GABRA4: variants seen among roughly 807,000 people sequenced by gnomAD.
GABRA4 encodes the protein gamma-aminobutyric acid receptor subunit alpha-4.
A neutral mutation model predicts 49.7 loss-of-function variants in GABRA4; 12 were observed. The observed-to-expected ratio is 0.24, with a 90% confidence interval of 0.15 to 0.39. GABRA4 has a LOEUF of 0.39. Among genes scored for constraint, GABRA4 ranks in the 10% least tolerant of loss-of-function variants. GABRA4 has a pLI of 1.00. For synonymous variants in GABRA4, 288 were observed against 240.2 expected (o/e 1.20, Z -1.84); for missense variants, 506 against 686.0 (o/e 0.74, Z 2.93).
Position 46,927,903 on chromosome 4 carries a change from T to G in GABRA4, c.*322A>C. On this transcript the variant is annotated 3_prime_UTR_variant, in exon 9 of 9. Coordinates refer to ENST00000264318, the MANE Select transcript of GABRA4 (RefSeq NM_000809.4). Reference sequence around the variant, plus strand: ...CATAGGGCAGATTTTTAAAATGTCATAGTCTGTTTTCAAATATCAATGAAA... The same window carrying G: ...CATAGGGCAGATTTTTAAAATGTCAGAGTCTGTTTTCAAATATCAATGAAA... The G allele has an allele frequency of 4.9e-6, 1 of 205,008 alleles. No homozygotes were observed. Among genetic ancestry groups the G allele is most frequent in the Non-Finnish European group, 9.9e-6 (1 of 101,196 alleles). 12.7% of individuals were successfully genotyped at this position (205,008 alleles called of 1,614,324 possible). A position where few individuals can be genotyped will look rare whatever the true frequency, so the allele number is the denominator to read the frequency against.
chr4:46,955,158 A>G (rs1722297460), intron 8 of GABRA4, among the ~76,000 whole-genome samples: 2 of 152,130 alleles, frequency 1.3e-5, no homozygotes, highest in East Asian at 3.9e-4. Context: ...AAATAAATGA[A>G]CAAATATACT....
chr4:46,962,839 A>C (rs1722626162), intron 8 of GABRA4, among the ~76,000 whole-genome samples: 1 of 151,874 alleles, frequency 6.6e-6, no homozygotes, highest in Non-Finnish European at 1.5e-5. Context: ...CACAGGTGCC[A>C]AGAATATACA....
At chr4:46,959,866 G>T (rs1182363725) in intron 8 of GABRA4, among the ~76,000 whole-genome samples, 1 of 150,054 alleles carries the variant, frequency 6.7e-6, no homozygotes, top group Non-Finnish European at 1.5e-5. Context: ...GTGTGTGTGA[G>T]TGTGTCTCCA....
At chr4:46,935,194 A>T (rs904340261) in intron 8 of GABRA4, among the ~76,000 whole-genome samples, 3 of 152,212 alleles carry the variant, frequency 2.0e-5, no homozygotes, top group African/African-American at 7.2e-5. Flanking sequence ...CTTGCTAAAC[A>T]GTTAAAATTG....
Position 46,921,970 on chromosome 4 carries a change from A to G in GABRA4, c.*6255T>C, listed in dbSNP as rs1346024229. ...TTATCCTGCGATGTTTCAAACAAAG[A>G]TGGTTTGTTTGAAACCTCTGTAAGA... On this transcript the variant is annotated 3_prime_UTR_variant, in exon 9 of 9. Coordinates refer to ENST00000264318, the MANE Select transcript of GABRA4 (RefSeq NM_000809.4). 6.6e-6 allele frequency: 1 copy of G among 152,072 alleles called. No individual in the cohort carries two copies. Among genetic ancestry groups the G allele is most frequent in the East Asian group, 1.9e-4 (1 of 5,146 alleles). 9.4% of individuals were successfully genotyped at this position (152,072 alleles called of 1,614,324 possible).
intron 8 of GABRA4, among the ~76,000 whole-genome samples, chr4:46,942,556 T>C (rs1431138944): frequency 1.4e-5 from 2 of 147,900 alleles, no homozygotes; most frequent in African/African-American, 5.0e-5. Context: ...ACGCGGAAGG[T>C]GGAGTTTGCT....
chr4:46,974,382 G>A lies in GABRA4; in HGVS notation c.578-7C>T. 6.2e-7 allele frequency: 1 copy of A among 1,607,088 alleles called. No individual in the cohort carries two copies. The highest frequency in any genetic ancestry group is 8.5e-7 in the Non-Finnish European group (1 of 1,176,288). On this transcript the variant is annotated splice_polypyrimidine_tract_variant and splice_region_variant and intron_variant, in intron 5 of 8. Transcript: ENST00000264318. The stretch of plus-strand genomic sequence containing the variant: ...TCACTCTTTGGATAGGCATCTAAAA[G>A]AGAGCACAGAATGTGGTTAGAGTCA...
rs773009428 is a variant in GABRA4 at position 46,925,967 on chromosome 4, A to AATAC, written c.*2257_*2258insGTAT. 46 of 151,666 alleles carry AATAC rather than the reference A, an allele frequency of 3.0e-4. No individual in the cohort carries two copies. The highest frequency in any genetic ancestry group is 6.8e-3 in the Middle Eastern group (2 of 294). 9.4% of individuals were successfully genotyped at this position (151,666 alleles called of 1,614,324 possible). ...TTCTTTTTATCTCTTTACACTCTGT[A>AATAC]AGATTTGTAGAAGAACACTTTTTTT... is the stretch of plus-strand genomic sequence containing the variant. On this transcript the variant is annotated 3_prime_UTR_variant, in exon 9 of 9. Transcript: ENST00000264318.
rs1577788268 is a variant in GABRA4 at position 46,977,341 on chromosome 4, G to A, written c.494+69C>T. ...GGAAGGGAGGGAGGAAGGAAGGAAG[G>A]AAGGAAGAAAGGAAAGGAAAGAAAG... On this transcript the variant is annotated intron_variant, in intron 4 of 8. Transcript: ENST00000264318. 4.4e-6 allele frequency: 4 copies of A among 911,088 alleles called. No homozygotes were observed. The African/African-American group carries it at 5.2e-5, about 12-fold the overall frequency. 56.4% of individuals were successfully genotyped at this position (911,088 alleles called of 1,614,324 possible).
chr4:46,928,366 T>C lies in GABRA4; in HGVS notation c.1524A>G (p.Pro508=), dbSNP rs772755476. The C allele has an allele frequency of 4.0e-5, 65 of 1,613,496 alleles. No individual in the cohort carries two copies. Among genetic ancestry groups the C allele is most frequent in the Non-Finnish European group, 4.9e-5 (58 of 1,179,696 alleles). ...KLSATPPPSA[P]PPSGSGTSKI... ...TACTTGTGCCAGATCCAGAAGGTGG[T>C]GGAGCCGATGGAGGAGGAGTAGCTG... Residue 508 remains proline, a synonymous_variant, in exon 9 of 9, where the codon CCA becomes CCG. Coordinates refer to ENST00000264318, the MANE Select transcript of GABRA4 (RefSeq NM_000809.4).
Position 46,943,685 on chromosome 4 carries a change from T to A in GABRA4, c.1135-14930A>T, listed in dbSNP as rs192473694. On this transcript the variant is annotated intron_variant, in intron 8 of 8. Coordinates refer to ENST00000264318, the MANE Select transcript of GABRA4 (RefSeq NM_000809.4). ...CTGGTATTAGCAAAGGCTATCAGCA[T>A]CTGGTCCATATTCACTTGGCTTACC... 3.3e-5 allele frequency among the ~76,000 whole-genome samples: 5 copies of A among 152,248 alleles called. No individual in the cohort carries two copies. The East Asian group carries it at 9.7e-4, about 29-fold the overall frequency.
chr4:46,965,355 G>T, intron 7 of GABRA4, 126 bp from the exon 8 acceptor site: 1 of 712,690 alleles, frequency 1.4e-6, no homozygotes, highest in Non-Finnish European at 2.1e-6. Context: ...ATAACTCAAA[G>T]AAAACCATCT....
intron 7 of GABRA4, among the ~76,000 whole-genome samples, 153 bp from the exon 8 acceptor site, chr4:46,965,382 ATCTTAGTGGT>A (rs1186733608): frequency 6.6e-6 from 1 of 151,890 alleles, no homozygotes; most frequent in Non-Finnish European, 1.5e-5. Flanking sequence ...GAGAATTGGA[ATCTTAGTGGT>A]TCAATAAAAT....
chr4:46,928,710 C>A lies in GABRA4; in HGVS notation c.1180G>T (p.Val394Phe). The A allele has an allele frequency of 6.2e-7, 1 of 1,612,832 alleles. No homozygotes were observed. The highest frequency in any genetic ancestry group is 8.5e-7 in the Non-Finnish European group (1 of 1,179,308). Reference protein sequence around the residue: ...LNMRKRTNALVHSESDVGNRT... With the variant: ...LNMRKRTNALFHSESDVGNRT... ...TTGCCAACATCAGATTCAGAGTGAACCAAAGCATTTGTTCTTTTTCTCATG... is the reference window on the plus strand; with the variant it reads ...TTGCCAACATCAGATTCAGAGTGAAACAAAGCATTTGTTCTTTTTCTCATG... The change falls in exon 9 of 9, where the codon GTT (valine) becomes TTT (phenylalanine). Residue 394 changes from valine to phenylalanine, a missense_variant. This residue lies in a region of GABRA4 where 243 missense variants were observed against 210.8 expected (regional missense o/e 1.15). Coordinates refer to ENST00000264318, the MANE Select transcript of GABRA4 (RefSeq NM_000809.4).
intron 8 of GABRA4, among the ~76,000 whole-genome samples, chr4:46,942,170 A>G (rs1309933715): frequency 6.6e-6 from 1 of 152,128 alleles, no homozygotes; most frequent in Non-Finnish European, 1.5e-5. Context: ...TTCTGGTGAT[A>G]CAAGTATAGA....
At chr4:46,986,988 A>G (rs1322072558) in intron 2 of GABRA4, among the ~76,000 whole-genome samples, 1 of 152,138 alleles carries the variant, frequency 6.6e-6, no homozygotes, top group African/African-American at 2.4e-5. Flanking sequence ...CTGGTTTATT[A>G]TGGAAAACCT....
intron 8 of GABRA4, among the ~76,000 whole-genome samples, 168 bp from the exon 9 acceptor site, chr4:46,928,923 A>G (rs963802958): frequency 6.6e-6 from 1 of 152,132 alleles, no homozygotes; most frequent in African/African-American, 2.4e-5. Context: ...TAACTAAAAT[A>G]TAATGTGCAT....
rs34991134 is a variant in GABRA4 at position 46,925,757 on chromosome 4, TATCATC to T, written c.*2462_*2467del. On this transcript the variant is annotated 3_prime_UTR_variant, in exon 9 of 9. Transcript: ENST00000264318. ...TTATTATTATTATTATTATTATTAT[TATCATC>T]ATTATTATCATTGTGTGCAAATGAA... 2.5e-5 allele frequency: 2 copies of T among 78,864 alleles called. No homozygotes were observed. Among genetic ancestry groups the T allele is most frequent in the African/African-American group, 8.7e-5 (2 of 22,996 alleles). 4.9% of individuals were successfully genotyped at this position (78,864 alleles called of 1,614,324 possible).
chr4:46,987,489 T>G (rs1723582021), intron 2 of GABRA4, among the ~76,000 whole-genome samples: 1 of 152,110 alleles, frequency 6.6e-6, no homozygotes, highest in African/African-American at 2.4e-5. Flanking sequence ...CAGTGTGAAC[T>G]TATGAGGGCA....
Sources: gnomAD v4.1 joint callset for allele counts (sites outside exome capture counted in the v4.1 genomes callset) on GRCh38, gnomAD v4.1.1 for gene constraint, gnomAD v4.1.1 regional missense constraint, MANE v1.5 for transcripts, NCBI Gene and HGNC (gene_info 2026-07-23, HGNC 2026-07-21) for gene names.